The following MCTP1 variants were observed in gnomAD, a reference collection of about 807,000 sequenced individuals.
MCTP1 encodes the protein multiple C2 and transmembrane domain-containing protein 1.
Under a neutral mutation model 120.6 loss-of-function variants are expected in MCTP1, and 69 were observed. The ratio of observed to expected loss-of-function variants is 0.57; its 90% CI spans 0.47 to 0.70. The LOEUF is 0.70. Ranked by LOEUF, MCTP1 falls within the 30% of genes least tolerant of loss-of-function variation. MCTP1 has a pLI of 0.00. For synonymous variants in MCTP1, 529 were observed against 493.1 expected (o/e 1.07, Z -0.96); for missense variants, 1,203 against 1,248.8 (o/e 0.96, Z 0.55).
chr5:94,865,029 T>C (rs1392443484), intron 17 of MCTP1, among the ~76,000 whole-genome samples: 1 of 151,868 alleles, frequency 6.6e-6, no homozygotes, highest in African/African-American at 2.4e-5. Context: ...TGTTCATTCT[T>C]AGGCAGACAA....
rs148825001 is a variant in MCTP1, at chr5:95,161,256, C to T, written c.720+122600G>A. Among the ~76,000 whole-genome samples, 26 of 152,194 alleles carry T rather than the reference C, an allele frequency of 1.7e-4. No homozygotes were observed. The South Asian group carries it at 3.1e-3, about 18-fold the overall frequency. ...CTTATATGCATAATAGGATAGTATT[C>T]GGCCTCATAAAGGGGGGAAATCCTG... On this transcript the variant is annotated intron_variant, in intron 1 of 22. Coordinates refer to ENST00000515393, the MANE Select transcript of MCTP1 (RefSeq NM_024717.7).
chr5:94,897,209 C>T (rs557043231), intron 10 of MCTP1, among the ~76,000 whole-genome samples: 6 of 150,216 alleles, frequency 4.0e-5, no homozygotes, highest in East Asian at 3.9e-4. Context: ...ACTACGGGTG[C>T]GTGCCACCAG....
chr5:94,757,352 C>T (rs1252969190), intron 19 of MCTP1, among the ~76,000 whole-genome samples: 1 of 152,092 alleles, frequency 6.6e-6, no homozygotes, highest in Non-Finnish European at 1.5e-5. Context: ...TCAACAGAGG[C>T]TAAGAGGAAG....
rs371706004 is a variant in MCTP1 at position 94,808,662 on chromosome 5, A to G, written c.2437-9530T>C. ...GTTTCTTATGTGTAGAGGAAAAAAA[A>G]TCAAAGTGCACTATCTACCAAATGA... On this transcript the variant is annotated intron_variant, in intron 17 of 22. Transcript: ENST00000515393. 9.9e-5 allele frequency among the ~76,000 whole-genome samples: 15 copies of G among 152,246 alleles called. No homozygotes were observed. In the South Asian group the frequency reaches 2.5e-3, roughly 25 times the overall value.
chr5:94,736,727 T>G (rs1003845017), intron 19 of MCTP1, among the ~76,000 whole-genome samples: 1 of 152,200 alleles, frequency 6.6e-6, no homozygotes, highest in Non-Finnish European at 1.5e-5. Context: ...TGAAGATCTC[T>G]GTGTGAACTC....
intron 10 of MCTP1, among the ~76,000 whole-genome samples, chr5:94,897,602 T>C (rs578232647): frequency 3.9e-4 from 59 of 152,312 alleles, no homozygotes; most frequent in African/African-American, 1.1e-3. Context: ...TGACCTCAAA[T>C]GATCCGCCCA....
chr5:94,832,839 G>A (rs1051615065), intron 17 of MCTP1, among the ~76,000 whole-genome samples: 4 of 152,206 alleles, frequency 2.6e-5, no homozygotes, highest in South Asian at 2.1e-4. Context: ...GGCTCACTGC[G>A]AAGAGTGCGC....
intron 1 of MCTP1, among the ~76,000 whole-genome samples, chr5:95,256,364 A>G (rs1757885851): frequency 6.6e-6 from 1 of 152,124 alleles, no homozygotes; most frequent in Non-Finnish European, 1.5e-5. Context: ...GGCAAACCCA[A>G]TCCTTGTCCT....
chr5:94,895,098 A>G (rs974474259), intron 10 of MCTP1, among the ~76,000 whole-genome samples: 21 of 152,162 alleles, frequency 1.4e-4, no homozygotes, highest in African/African-American at 5.1e-4. Flanking sequence ...GTATTCATAA[A>G]GTGGTAAGGA....
chr5:95,007,235 C>T (rs985073925), intron 2 of MCTP1, among the ~76,000 whole-genome samples: 1 of 152,110 alleles, frequency 6.6e-6, no homozygotes, highest in Non-Finnish European at 1.5e-5. Context: ...TGGGTCCCTC[C>T]CGCGACACAG....
At chr5:95,039,651 G>C (rs1403870078) in intron 1 of MCTP1, among the ~76,000 whole-genome samples, 2 of 151,964 alleles carry the variant, frequency 1.3e-5, no homozygotes. Flanking sequence ...GTCTCACAAG[G>C]GTTTTCCATA....
At chr5:94,773,694 G>A (rs1180693244) in intron 19 of MCTP1, among the ~76,000 whole-genome samples, 1 of 152,166 alleles carries the variant, frequency 6.6e-6, no homozygotes, top group Admixed American at 6.5e-5. Context: ...GAGGAATAAA[G>A]TCACATCTTA....
intron 17 of MCTP1, among the ~76,000 whole-genome samples, chr5:94,847,142 C>T (rs1792575213): frequency 6.6e-6 from 1 of 152,120 alleles, no homozygotes; most frequent in African/African-American, 2.4e-5. Flanking sequence ...AGAAACTTTA[C>T]CCTTCTCCTA....
chr5:95,083,552 T>C (rs1755189551), intron 1 of MCTP1, among the ~76,000 whole-genome samples: 1 of 152,132 alleles, frequency 6.6e-6, no homozygotes, highest in South Asian at 2.1e-4. Context: ...TTTGCTAACA[T>C]TGAGAAAGAG....
chr5:94,757,859 CAA>C (rs1770307057), intron 19 of MCTP1, among the ~76,000 whole-genome samples: 1 of 152,080 alleles, frequency 6.6e-6, no homozygotes, highest in Non-Finnish European at 1.5e-5. Context: ...ACAAGAAAAC[CAA>C]AGTGTTAGAG....
intron 3 of MCTP1, among the ~76,000 whole-genome samples, chr5:94,952,308 T>G (rs1355212913): frequency 6.6e-6 from 1 of 152,186 alleles, no homozygotes; most frequent in Non-Finnish European, 1.5e-5. Context: ...TTATGTATAC[T>G]TATGAGATTC....
intron 1 of MCTP1, among the ~76,000 whole-genome samples, chr5:95,184,936 C>A (rs528683262): frequency 6.6e-6 from 1 of 152,170 alleles, no homozygotes; most frequent in Non-Finnish European, 1.5e-5. Context: ...TTCCCCACTT[C>A]CCAAGGCCCT....
chr5:94,970,657 T>C (rs865989555), intron 2 of MCTP1, among the ~76,000 whole-genome samples: 2 of 152,070 alleles, frequency 1.3e-5, no homozygotes, highest in African/African-American at 4.8e-5. Context: ...TATAGTACTA[T>C]TAATTTTTTT....
intron 1 of MCTP1, among the ~76,000 whole-genome samples, chr5:95,257,941 A>G (rs1184137225): frequency 6.6e-6 from 1 of 152,244 alleles, no homozygotes; most frequent in African/African-American, 2.4e-5. Context: ...GTTATAATCC[A>G]AAGTATAAAA....
Sources: gnomAD v4.1 joint callset for allele counts (sites outside exome capture counted in the v4.1 genomes callset) on GRCh38, gnomAD v4.1.1 for gene constraint, MANE v1.5 for transcripts, NCBI Gene and HGNC (gene_info 2026-07-23, HGNC 2026-07-21) for gene names.